Variants in MED25 observed in about 807,000 individuals in gnomAD.
MED25 encodes the protein mediator complex subunit 25.
In MED25, 62 loss-of-function variants were observed where a neutral mutation model predicts 89.4. That is an observed-to-expected ratio of 0.69 (90% CI 0.57 to 0.86). MED25 has a LOEUF of 0.86. Among genes scored for constraint, MED25 ranks in the 40% least tolerant of loss-of-function variants. The pLI, the probability that MED25 is intolerant of heterozygous loss-of-function variation, is 0.00. For synonymous variants in MED25, 449 were observed against 427.9 expected, an observed-to-expected ratio of 1.05 and a Z score of -0.61; for missense variants, 905 against 1,005.2, an observed-to-expected ratio of 0.90 and a Z score of 1.35.
chr19:49,818,510 C>A (rs574231183), intron 1 of MED25, 35 bp downstream of exon 1: 2 of 1,614,232 alleles, frequency 1.2e-6, no homozygotes, highest in African/African-American at 2.7e-5. Flanking sequence ...ACCCCGCCCT[C>A]CCACTTCAGT....
chr19:49,818,847 GC>G, intron 2 of MED25: 1 of 596,370 alleles, frequency 1.7e-6, no homozygotes, highest in Non-Finnish European at 3.0e-6. Context: ...GGAGCTAGGG[GC>G]CCAGATCCCT....
chr19:49,828,871 T>C (rs951458978), intron 4 of MED25, 99 bp from the exon 5 acceptor site: 26 of 1,570,612 alleles, frequency 1.7e-5, no homozygotes, highest in Admixed American at 9.2e-5. Context: ...TCTGATTCCA[T>C]GTGAGGCGGA....
rs1461463248 is a variant in MED25 at position 49,835,207 on chromosome 19, T to TCCGA, written c.1674+33_1674+36dup. The TCCGA allele has an allele frequency of 5.0e-6, 8 of 1,612,036 alleles. No individual in the cohort carries two copies. The African/African-American group carries it at 6.7e-5, about 13-fold the overall frequency. Reference sequence around the variant, plus strand: ...GTGTTGACAGTCCCCAAACCAGCACTCCGACCCCCTCCTGCCCGGGCCCCA... The same window carrying TCCGA: ...GTGTTGACAGTCCCCAAACCAGCACTCCGACCGACCCCCTCCTGCCCGGGCCCCA... On this transcript the variant is annotated intron_variant, in intron 14 of 17. Coordinates refer to ENST00000312865, the MANE Select transcript of MED25 (RefSeq NM_030973.4). The surrounding 1 kb of genome is among the most constrained non-coding windows in gnomAD (Gnocchi z 6.2).
At chr19:49,821,058 C>T (rs1408166371) in intron 3 of MED25, among the ~76,000 whole-genome samples, 1 of 152,200 alleles carries the variant, frequency 6.6e-6, no homozygotes, top group African/African-American at 2.4e-5. Flanking sequence ...ACAAGAGTGG[C>T]TTGGCTGGAT....
downstream of MED25, chr19:49,838,871 C>G (rs995362510): frequency 2.5e-5 from 10 of 408,014 alleles, no homozygotes; most frequent in East Asian, 7.1e-5. Context: ...GGCAGTGGTA[C>G]GCCGTTCCGG....
chr19:49,827,631 T>C (rs1290651), intron 3 of MED25, among the ~76,000 whole-genome samples: 4,880 of 152,210 alleles, frequency 0.032, 254 homozygotes, highest in African/African-American at 0.11. Context: ...TTTAACTCGA[T>C]TACCTGTGTA....
chr19:49,819,038 G>A, intron 2 of MED25, 134 bp from the exon 3 acceptor site: 1 of 1,124,864 alleles, frequency 8.9e-7, no homozygotes, highest in Non-Finnish European at 1.3e-6. Flanking sequence ...GGCCGAGATT[G>A]CTGGGTCTGA....
rs2074065045 is a variant in MED25 at position 49,832,432 on chromosome 19, G to A, written c.1482+17G>A. The A allele has an allele frequency of 4.4e-6, 6 of 1,374,762 alleles. No homozygotes were observed. Among genetic ancestry groups the A allele is most frequent in the Non-Finnish European group, 6.2e-6 (6 of 967,896 alleles). The allele number at this position is 1,374,762 out of a possible 1,614,324, so 85.2% of individuals were successfully genotyped here. ...AACGGCTTCGTGAGTCCAGGGCATG[G>A]GGGGCCGAGGGGTGTTGACTCTTGT... On this transcript the variant is annotated intron_variant, in intron 13 of 17. Transcript: ENST00000312865.
At position 49,831,482 on chromosome 19, in the gene MED25, T is replaced by C. The variant is rs370747690; in HGVS notation, c.1230+21T>C. On this transcript the variant is annotated intron_variant, in intron 10 of 17. Transcript: ENST00000312865. This position sits in a 1 kb window ranked among gnomAD's most constrained non-coding sequence, Gnocchi z 5.0. The stretch of plus-strand genomic sequence containing the variant: ...AAGAGGTGAGGGGCCTGAGGGTCCA[T>C]TGGGCACTTGGGACTCCTGGGGCCG... The C allele has an allele frequency of 2.2e-4, 350 of 1,607,868 alleles. No individual in the cohort carries two copies. Among genetic ancestry groups the C allele is most frequent in the Middle Eastern group, 3.3e-4 (2 of 6,058 alleles).
In MED25 at chr19:49,828,979, G is replaced by A. The variant is rs1333998604; in HGVS notation, c.414G>A (p.Thr138=). 3.1e-6 allele frequency: 5 copies of A among 1,613,898 alleles called. No individual in the cohort carries two copies. The highest frequency in any genetic ancestry group is 1.1e-5 in the South Asian group (1 of 91,090). Residue 138 remains threonine (T), a synonymous_variant, in exon 5 of 18, where the codon ACG becomes ACA. Transcript: ENST00000312865. Reference sequence around the variant, plus strand: ...CTCTCTTTCCTGGTAGTGGCCAGACGCACCGGGTCTGCCTCCTCATCTGCA... The same window carrying A: ...CTCTCTTTCCTGGTAGTGGCCAGACACACCGGGTCTGCCTCCTCATCTGCA... The part of the protein sequence containing the change: ...FKKMREQIGQ[T]HRVCLLICNS...
Position 49,836,657 on chromosome 19 carries a change from A to G in MED25, c.2147-190A>G. ...TGGGATTGCTGGGAAATGTGGTCTT[A>G]GGGCCAGAGAAGTAGTTTTGGAGAA... On this transcript the variant is annotated intron_variant, in intron 17 of 17. Transcript: ENST00000312865. This position sits in a 1 kb window ranked among gnomAD's most constrained non-coding sequence, Gnocchi z 5.1. The G allele has an allele frequency of 1.4e-6, 1 of 737,784 alleles. No homozygotes were observed. The highest frequency in any genetic ancestry group is 1.5e-5 in the South Asian group (1 of 67,240). The allele number at this position is 737,784 out of a possible 1,614,324, so 45.7% of individuals were successfully genotyped here.
intron 2 of MED25, 40 bp downstream of exon 2, chr19:49,818,656 G>C: frequency 6.3e-7 from 1 of 1,575,010 alleles, no homozygotes; most frequent in Non-Finnish European, 8.7e-7. Flanking sequence ...AGGAGGGGCC[G>C]GGGGCCTGGA....
chr19:49,818,820 T>C (rs2073958949), intron 2 of MED25: 2 of 611,090 alleles, frequency 3.3e-6, no homozygotes, highest in African/African-American at 1.9e-5. Flanking sequence ...CCCGGATTCC[T>C]GGGTCCGAGG....
In MED25 at chr19:49,834,938, T is replaced by TGCCTCTTTCAGGGCC. The variant is rs773246495; in HGVS notation, c.1483-47_1483-33dup. 1.2e-6 allele frequency: 2 copies of TGCCTCTTTCAGGGCC among 1,601,096 alleles called. No homozygotes were observed. The highest frequency in any genetic ancestry group is 1.7e-6 in the Non-Finnish European group (2 of 1,169,978). On this transcript the variant is annotated intron_variant, in intron 13 of 17. Coordinates refer to ENST00000312865, the MANE Select transcript of MED25 (RefSeq NM_030973.4). This position sits in a 1 kb window ranked among gnomAD's most constrained non-coding sequence, Gnocchi z 4.1. ...TCTGGAATGGGGAGGGGGTCAGGGC[T>TGCCTCTTTCAGGGCC]GCCTCTTTCAGGGCCTGAATGGTTC...
At chr19:49,818,639 C>T (rs925284558) in intron 2 of MED25, 23 bp downstream of exon 2, 1 of 1,609,386 alleles carries the variant, frequency 6.2e-7, no homozygotes, top group South Asian at 1.1e-5. Flanking sequence ...ACTCCTGGGC[C>T]TGAGGGAGGA....
Position 49,832,303 on chromosome 19 carries a change from C to T in MED25, c.1375-5C>T, listed in dbSNP as rs368189393. The T allele has an allele frequency of 7.5e-6, 12 of 1,597,298 alleles. No homozygotes were observed. Among genetic ancestry groups the T allele is most frequent in the East Asian group, 2.3e-5 (1 of 44,420 alleles). ...CATGCCAGCCGACTTCTGTGTCTCC[C>T]GCAGACCACCCTGGGCCCTTTGTTC... On this transcript the variant is annotated splice_polypyrimidine_tract_variant and splice_region_variant and intron_variant, in intron 12 of 17. Transcript: ENST00000312865.
In MED25 at chr19:49,830,194, G is replaced by GC. The variant is rs775072432; in HGVS notation, c.801dup (p.Val268ArgfsTer131). The GC allele has an allele frequency of 2.5e-5, 40 of 1,606,636 alleles. No individual in the cohort carries two copies. Among genetic ancestry groups the GC allele is most frequent in the Non-Finnish European group, 3.2e-5 (38 of 1,175,510 alleles). On this transcript the variant is annotated frameshift_variant, in exon 7 of 18. Coordinates refer to ENST00000312865, the MANE Select transcript of MED25 (RefSeq NM_030973.4). LOFTEE classifies it high-confidence loss of function. This position sits in a 1 kb window ranked among gnomAD's most constrained non-coding sequence, Gnocchi z 4.6. ...TCTCAGCAGCCCCCCAGCAGCCTCT[G>GC]CCCCCCGTCCCCCCGCAGTACCAGG...
chr19:49,831,276 C>T lies in MED25; in HGVS notation c.1102-57C>T. On this transcript the variant is annotated intron_variant, in intron 9 of 17. Coordinates refer to ENST00000312865, the MANE Select transcript of MED25 (RefSeq NM_030973.4). This position sits in a 1 kb window ranked among gnomAD's most constrained non-coding sequence, Gnocchi z 5.0. ...TCCTGGTTTGCCCTCACAGGATGGCCCCCGGAGGCTCCCGGCCTTCCCCAT... is the reference window on the plus strand; with the variant it reads ...TCCTGGTTTGCCCTCACAGGATGGCTCCCGGAGGCTCCCGGCCTTCCCCAT... 6.3e-7 allele frequency: 1 copy of T among 1,576,762 alleles called. No homozygotes were observed. The highest frequency in any genetic ancestry group is 8.6e-7 in the Non-Finnish European group (1 of 1,162,546).
At position 49,834,707 on chromosome 19, in the gene MED25, T is replaced by C. The variant is rs7252578; in HGVS notation, c.1483-279T>C. 17,620 of 513,320 alleles carry C rather than the reference T, an allele frequency of 0.034. 592 individuals carry two copies. Among genetic ancestry groups the C allele is most frequent in the South Asian group, 0.11 (5,120 of 47,194 alleles). The allele number at this position is 513,320 out of a possible 1,614,324, so 31.8% of individuals were successfully genotyped here. On this transcript the variant is annotated intron_variant, in intron 13 of 17. Transcript: ENST00000312865. The surrounding 1 kb of genome is among the most constrained non-coding windows in gnomAD (Gnocchi z 4.1). ...GGCATTTTATGCCCAAGAAACTGGG[T>C]CCATGAGGAGCAGGTGGTGGCTGAA...
Sources: allele counts gnomAD v4.1 joint callset (sites outside exome capture counted in the v4.1 genomes callset), GRCh38; gene constraint gnomAD v4.1.1; non-coding constraint Gnocchi (gnomAD v3.1); transcripts MANE v1.5; gene names NCBI Gene and HGNC (gene_info 2026-07-23, HGNC 2026-07-21).